The following AKIRIN2 variants were observed in gnomAD, a reference collection of about 807,000 sequenced individuals.
AKIRIN2 encodes akirin 2, also known as akirin-2.
AKIRIN2 carries 6 observed loss-of-function variants against 29.3 expected under a neutral mutation model. The ratio of observed to expected loss-of-function variants is 0.20; its 90% confidence interval spans 0.11 to 0.40. The LOEUF (loss-of-function observed/expected upper bound fraction) is 0.40. AKIRIN2 is among the 10% of genes least tolerant of loss of function. The pLI is 1.00. For missense variants in AKIRIN2, 210 were observed against 276.1 expected (o/e 0.76, Z 1.70); for synonymous variants, 128 against 117.5 (o/e 1.09, Z -0.58).
intron 2 of AKIRIN2, among the ~76,000 whole-genome samples, chr6:87,678,393 T>C (rs985377775): frequency 6.6e-6 from 1 of 151,840 alleles, no homozygotes. Context: ...TCCCAGCTAC[T>C]CGGGAGGCTG....
At chr6:87,700,131 C>T (rs1162652437) in intron 1 of AKIRIN2, among the ~76,000 whole-genome samples, 2 of 151,728 alleles carry the variant, frequency 1.3e-5, no homozygotes, top group East Asian at 3.9e-4. Flanking sequence ...ATAAATTTAT[C>T]TAAGAATTTC....
intron 1 of AKIRIN2, among the ~76,000 whole-genome samples, chr6:87,689,776 G>A (rs1012203972): frequency 2.0e-5 from 3 of 152,168 alleles, no homozygotes; most frequent in African/African-American, 7.2e-5. Context: ...GACTCTGAAG[G>A]GTGGAGCTTA....
chr6:87,687,455 A>C (rs978804114), intron 1 of AKIRIN2, among the ~76,000 whole-genome samples: 6 of 151,078 alleles, frequency 4.0e-5, no homozygotes, highest in Non-Finnish European at 8.8e-5. Context: ...AAAAAAAAAA[A>C]ACACACTACT....
Position 87,677,974 on chromosome 6 carries a change from A to G in AKIRIN2, c.380-7T>C, listed in dbSNP as rs1188657807. 6.2e-7 allele frequency: 1 copy of G among 1,607,314 alleles called. No homozygotes were observed. The highest frequency in any genetic ancestry group is 1.3e-5 in the African/African-American group (1 of 74,642). The stretch of plus-strand genomic sequence containing the variant: ...GATGCTGCAGATGAAGTCCCTATGT[A>G]CAATGAGGACAAAAAATAGCACCTG... On this transcript the variant is annotated splice_region_variant and splice_polypyrimidine_tract_variant and intron_variant, in intron 2 of 4. Transcript: ENST00000257787.
chr6:87,696,623 C>A (rs972772351), intron 1 of AKIRIN2, among the ~76,000 whole-genome samples: 3 of 149,430 alleles, frequency 2.0e-5, no homozygotes, highest in African/African-American at 5.0e-5. Context: ...ATGGCGTGAA[C>A]CCGGGAGGCA....
chr6:87,677,568 A>C (rs983193145), intron 3 of AKIRIN2, among the ~76,000 whole-genome samples: 2 of 152,180 alleles, frequency 1.3e-5, no homozygotes, highest in African/African-American at 4.8e-5. Flanking sequence ...GTAAACTACT[A>C]ACATCAGTTT....
At chr6:87,682,914 G>C (rs1039894594) in intron 1 of AKIRIN2, among the ~76,000 whole-genome samples, 3 of 152,022 alleles carry the variant, frequency 2.0e-5, no homozygotes, top group Admixed American at 2.0e-4. Context: ...AACATAGAGG[G>C]ACCGTGTCTT....
At chr6:87,693,640 G>C (rs767659522) in intron 1 of AKIRIN2, among the ~76,000 whole-genome samples, 5 of 149,422 alleles carry the variant, frequency 3.3e-5, no homozygotes, top group Non-Finnish European at 5.9e-5. Flanking sequence ...CAGGAGAATC[G>C]CTTGACCCCA....
In AKIRIN2 at chr6:87,701,460, G is replaced by A; in HGVS notation, c.225C>T (p.Arg75=). Residue 75 remains arginine (R), a synonymous_variant, in exon 1 of 5, where the codon CGC becomes CGT. Transcript: ENST00000257787. ...EPSPFGDVSS[R]LTTEQILYNI... is the part of the protein sequence containing the mutation. ...GGGGCCGGGTCCCACCTGTGGTGAG[G>A]CGGGAGGAGACGTCGCCGAAGGGGG... The A allele has an allele frequency of 2.0e-6, 3 of 1,524,852 alleles. No individual in the cohort carries two copies. The highest frequency in any genetic ancestry group is 2.6e-6 in the Non-Finnish European group (3 of 1,139,048). The allele number at this position is 1,524,852 out of a possible 1,614,324, so 94.5% of individuals were successfully genotyped here.
At chr6:87,701,428 C>T in intron 1 of AKIRIN2, 22 bp downstream of exon 1, 1 of 1,530,630 alleles carries the variant, frequency 6.5e-7, no homozygotes, top group Non-Finnish European at 8.8e-7. Flanking sequence ...ACTACCCCGG[C>T]GGCCGCGGGG....
intron 2 of AKIRIN2, among the ~76,000 whole-genome samples, chr6:87,680,005 A>G (rs72924341): frequency 6.6e-6 from 1 of 152,086 alleles, no homozygotes; most frequent in Non-Finnish European, 1.5e-5. Flanking sequence ...CCACAATAAC[A>G]AAGCCCACCA....
At chr6:87,676,470 A>AAAAG (rs1770992407) in intron 3 of AKIRIN2, among the ~76,000 whole-genome samples, 2 of 110,026 alleles carry the variant, frequency 1.8e-5, no homozygotes, top group African/African-American at 3.7e-5. Context: ...AAAAAAAAAA[A>AAAAG]ACGAGGCCGG....
At chr6:87,691,529 A>G (rs748705905) in intron 1 of AKIRIN2, among the ~76,000 whole-genome samples, 2 of 151,108 alleles carry the variant, frequency 1.3e-5, no homozygotes, top group Admixed American at 6.6e-5. Context: ...ATACAAATTA[A>G]AGAGACATCT....
chr6:87,691,050 G>C (rs187126534), intron 1 of AKIRIN2, among the ~76,000 whole-genome samples: 21 of 152,272 alleles, frequency 1.4e-4, no homozygotes, highest in Admixed American at 7.8e-4. Flanking sequence ...TTTATCCCAT[G>C]TATTTTGTAA....
rs960914784 is a variant in AKIRIN2 at position 87,690,955 on chromosome 6, A to G, written c.236-9192T>C. 2.6e-5 allele frequency among the ~76,000 whole-genome samples: 4 copies of G among 152,224 alleles called. 1 individual carries two copies. The highest frequency in any genetic ancestry group is 1.3e-4 in the Admixed American group (2 of 15,284). On this transcript the variant is annotated intron_variant, in intron 1 of 4. Coordinates refer to ENST00000257787, the MANE Select transcript of AKIRIN2 (RefSeq NM_018064.4). ...ACCACTGCACTCCAGCCTGGGCAAC[A>G]GAGTGAGACGGTTTCAACAACAACA...
At chr6:87,675,735 A>G (rs1770960611) in intron 4 of AKIRIN2, 125 bp downstream of exon 4, 1 of 1,448,970 alleles carries the variant, frequency 6.9e-7, no homozygotes, top group Non-Finnish European at 9.6e-7. Flanking sequence ...TATGCTGCCT[A>G]TTTCCTCCAT....
intron 1 of AKIRIN2, among the ~76,000 whole-genome samples, chr6:87,682,283 C>T (rs780317203): frequency 2.6e-5 from 4 of 152,300 alleles, no homozygotes; most frequent in Admixed American, 6.5e-5. Context: ...AGTCATCATA[C>T]ATTAAATGGC....
chr6:87,696,420 A>G (rs909919308), intron 1 of AKIRIN2, among the ~76,000 whole-genome samples: 12 of 150,998 alleles, frequency 7.9e-5, no homozygotes, highest in African/African-American at 2.9e-4. Flanking sequence ...AAAAGCCGGG[A>G]GCTGGGCGCA....
intron 1 of AKIRIN2, among the ~76,000 whole-genome samples, chr6:87,699,861 T>C (rs1771429382): frequency 6.6e-6 from 1 of 152,212 alleles, no homozygotes; most frequent in African/African-American, 2.4e-5. Flanking sequence ...ACTGTATTAA[T>C]TCACTCCCTC....
Sources: allele counts gnomAD v4.1 joint callset (sites outside exome capture counted in the v4.1 genomes callset), GRCh38; gene constraint gnomAD v4.1.1; transcripts MANE v1.5; gene names NCBI Gene and HGNC (gene_info 2026-07-23, HGNC 2026-07-21).